The following ARPC5 variants were observed in gnomAD, a reference collection of about 807,000 sequenced individuals.
ARPC5 encodes actin-related protein 2/3 complex subunit 5.
Under a neutral mutation model 15.4 loss-of-function variants are expected in ARPC5, and 5 were observed. That is an observed-to-expected ratio of 0.32 (90% CI 0.17 to 0.68). The LOEUF (loss-of-function observed/expected upper bound fraction) is 0.68. Among genes scored for constraint, ARPC5 ranks in the 30% least tolerant of loss-of-function variants. ARPC5 has a pLI of 0.71. For synonymous variants in ARPC5, 85 were observed against 72.2 expected (o/e 1.18, Z -0.90); for missense variants, 138 against 192.8 (o/e 0.72, Z 1.68).
chr1:183,622,304 G>A lies in ARPC5; in HGVS notation c.*5228C>T, dbSNP rs78917379. ...ATTGAACAATATGAACAAATTATTTGAAAACGAATAAAAACTAAAATGAAT... is the reference window on the plus strand; with the variant it reads ...ATTGAACAATATGAACAAATTATTTAAAAACGAATAAAAACTAAAATGAAT... On this transcript the variant is annotated 3_prime_UTR_variant, in exon 4 of 4. Coordinates refer to ENST00000359856, the MANE Select transcript of ARPC5 (RefSeq NM_005717.4). The A allele has an allele frequency of 6.6e-6, 1 of 152,238 alleles. No individual in the cohort carries two copies. The highest frequency in any genetic ancestry group is 2.1e-4 in the South Asian group (1 of 4,830). 9.4% of individuals were successfully genotyped at this position (152,238 alleles called of 1,614,324 possible). A position where few individuals can be genotyped will look rare whatever the true frequency, so the allele number is the denominator to read the frequency against.
At chr1:183,632,464 A>G (rs552660312) in intron 2 of ARPC5, 1 of 152,348 alleles carries the variant, frequency 6.6e-6, no homozygotes, top group Non-Finnish European at 1.5e-5. Flanking sequence ...TATATAACAA[A>G]AGATTAGTTA....
At position 183,627,524 on chromosome 1, in the gene ARPC5, C is replaced by T. The variant is rs1404488582; in HGVS notation, c.*8G>A. 3.1e-6 allele frequency: 5 copies of T among 1,613,474 alleles called. No homozygotes were observed. Among genetic ancestry groups the T allele is most frequent in the Non-Finnish European group, 4.2e-6 (5 of 1,179,448 alleles). On this transcript the variant is annotated 3_prime_UTR_variant, in exon 4 of 4. Coordinates refer to ENST00000359856, the MANE Select transcript of ARPC5 (RefSeq NM_005717.4). Reference sequence around the variant, plus strand: ...ACTCCCGAGGCAGATAATCCACTTCCTGCCAGACTACACAGTTTTTCTTGC... The same window carrying T: ...ACTCCCGAGGCAGATAATCCACTTCTTGCCAGACTACACAGTTTTTCTTGC...
At position 183,624,782 on chromosome 1, in the gene ARPC5, T is replaced by C. The variant is rs542533754; in HGVS notation, c.*2750A>G. Reference sequence around the variant, plus strand: ...TTGTATGACGTTAATTCTCTTTTTTTTTGTATGACATAATTTTCAGGTGCT... The same window carrying C: ...TTGTATGACGTTAATTCTCTTTTTTCTTGTATGACATAATTTTCAGGTGCT... On this transcript the variant is annotated 3_prime_UTR_variant, in exon 4 of 4. Coordinates refer to ENST00000359856, the MANE Select transcript of ARPC5 (RefSeq NM_005717.4). The C allele has an allele frequency of 3.0e-4, 46 of 152,338 alleles. No individual in the cohort carries two copies. Among genetic ancestry groups the C allele is most frequent in the African/African-American group, 1.1e-3 (44 of 41,580 alleles). 9.4% of individuals were successfully genotyped at this position (152,338 alleles called of 1,614,324 possible). A position where few individuals can be genotyped will look rare whatever the true frequency, so the allele number is the denominator to read the frequency against.
intron 1 of ARPC5, chr1:183,633,750 T>C (rs906723125): frequency 6.7e-6 from 1 of 149,366 alleles, no homozygotes; most frequent in Admixed American, 6.6e-5. Flanking sequence ...CTTTAGATAT[T>C]TTCTCTCATA....
intron 3 of ARPC5, 95 bp from the exon 4 acceptor site, chr1:183,627,689 G>T: frequency 2.2e-6 from 2 of 918,746 alleles, no homozygotes; most frequent in Non-Finnish European, 3.6e-6. Context: ...AATGGGCACT[G>T]CTATAGACCC....
rs558743593 is a variant in ARPC5 at position 183,624,688 on chromosome 1, T to A, written c.*2844A>T. On this transcript the variant is annotated 3_prime_UTR_variant, in exon 4 of 4. Transcript: ENST00000359856. The stretch of plus-strand genomic sequence containing the variant: ...GTTCAAATTAATGTCTCACTTTAAA[T>A]ACTCTGATCCACCCTGATTTTGTTG... 1 of 152,290 alleles carries A rather than the reference T, an allele frequency of 6.6e-6. No homozygotes were observed. The allele number at this position is 152,290 out of a possible 1,614,324, so 9.4% of individuals were successfully genotyped here.
chr1:183,626,699 A>T lies in ARPC5; in HGVS notation c.*833T>A, dbSNP rs1314599689. On this transcript the variant is annotated 3_prime_UTR_variant, in exon 4 of 4. Transcript: ENST00000359856. ...ATATTTCTAAAGAAAGTAGCATTTC[A>T]TTCAGAGGCTGCCCAGAGTTTAAAT... 6.5e-6 allele frequency: 1 copy of T among 152,796 alleles called. No individual in the cohort carries two copies. Among genetic ancestry groups the T allele is most frequent in the Middle Eastern group, 3.4e-3 (1 of 294 alleles). 9.5% of individuals were successfully genotyped at this position (152,796 alleles called of 1,614,324 possible).
intron 1 of ARPC5, 138 bp from the exon 2 acceptor site, chr1:183,633,292 G>A: frequency 7.1e-6 from 4 of 567,148 alleles, no homozygotes; most frequent in African/African-American, 2.0e-5. Context: ...TCAATGTGTT[G>A]GTTTCCAGGA....
chr1:183,633,425 C>T, intron 1 of ARPC5: 1 of 235,722 alleles, frequency 4.2e-6, no homozygotes, highest in Non-Finnish European at 8.2e-6. Flanking sequence ...TTTCATTTCC[C>T]AGTGAGATAC....
intron 2 of ARPC5, chr1:183,632,807 T>C (rs190360733): frequency 2.6e-5 from 7 of 268,598 alleles, no homozygotes; most frequent in African/African-American, 1.6e-4. Flanking sequence ...TTTTCAAACC[T>C]TTGCTCAAAT....
At chr1:183,632,932 G>C in intron 2 of ARPC5, 150 bp downstream of exon 2, 1 of 585,778 alleles carries the variant, frequency 1.7e-6, no homozygotes, top group Admixed American at 3.7e-5. Flanking sequence ...ATTTTTTCAC[G>C]TGAAATTTTT....
chr1:183,622,813 T>C lies in ARPC5; in HGVS notation c.*4719A>G, dbSNP rs113502523. On this transcript the variant is annotated 3_prime_UTR_variant, in exon 4 of 4. Coordinates refer to ENST00000359856, the MANE Select transcript of ARPC5 (RefSeq NM_005717.4). ...TAAATTCCCTTCTTAACTGTCCACATTGAAGTGAATTGAAATTCTTTGTGA... is the reference window on the plus strand; with the variant it reads ...TAAATTCCCTTCTTAACTGTCCACACTGAAGTGAATTGAAATTCTTTGTGA... 986 of 152,754 alleles carry C rather than the reference T, an allele frequency of 6.5e-3. 9 individuals are homozygous for C. Among genetic ancestry groups the C allele is most frequent in the East Asian group, 0.015 (78 of 5,198 alleles). The allele number at this position is 152,754 out of a possible 1,614,324, so 9.5% of individuals were successfully genotyped here.
chr1:183,623,539 G>C lies in ARPC5; in HGVS notation c.*3993C>G, dbSNP rs1007174324. On this transcript the variant is annotated 3_prime_UTR_variant, in exon 4 of 4. Coordinates refer to ENST00000359856, the MANE Select transcript of ARPC5 (RefSeq NM_005717.4). The stretch of plus-strand genomic sequence containing the variant: ...TAGTGACATTGGGGTGAGGGGGAGA[G>C]GGAGTGGGGCAGAGGTCCCGCGGCA... 15 of 1,549,202 alleles carry C rather than the reference G, an allele frequency of 9.7e-6. No homozygotes were observed. In the African/African-American group the frequency reaches 1.8e-4, roughly 18 times the overall value.
rs568185762 is a variant in ARPC5, at chr1:183,634,933, A to G, written c.143+584T>C. ...CTTCTTCTTTTTTTTTTTTTTTTAA[A>G]AAGGCCAATGGGCTGAAAGCACAGG... On this transcript the variant is annotated intron_variant, in intron 1 of 3. Transcript: ENST00000359856. Among the ~76,000 whole-genome samples the G allele has an allele frequency of 1.8e-4, 27 of 150,172 alleles. No individual in the cohort carries two copies. The South Asian group carries it at 5.7e-3, about 31-fold the overall frequency.
Position 183,627,278 on chromosome 1 carries a change from G to A in ARPC5, c.*254C>T. On this transcript the variant is annotated 3_prime_UTR_variant, in exon 4 of 4. Transcript: ENST00000359856. ...TTGAATGTAAATTATACTATATACA[G>A]ATTGGTATAAACATCACTGAAATGG... The A allele has an allele frequency of 2.0e-6, 1 of 494,018 alleles. No homozygotes were observed. The highest frequency in any genetic ancestry group is 1.9e-5 in the African/African-American group (1 of 51,382). 30.6% of individuals were successfully genotyped at this position (494,018 alleles called of 1,614,324 possible).
chr1:183,630,437 A>G, intron 3 of ARPC5, 24 bp downstream of exon 3: 1 of 1,556,300 alleles, frequency 6.4e-7, no homozygotes, highest in Non-Finnish European at 8.7e-7. Flanking sequence ...AACCAGTCAT[A>G]TAGATTTATA....
At position 183,623,482 on chromosome 1, in the gene ARPC5, C is replaced by CGTTTTCACATTGGG. The variant is rs1451560217; in HGVS notation, c.*4036_*4049dup. On this transcript the variant is annotated 3_prime_UTR_variant, in exon 4 of 4. Coordinates refer to ENST00000359856, the MANE Select transcript of ARPC5 (RefSeq NM_005717.4). ...TCATACAAGAGGCACCTGCACAGAA[C>CGTTTTCACATTGGG]GTTTTCACATTGGGGTTTTCACATA... The CGTTTTCACATTGGG allele has an allele frequency of 1.9e-6, 3 of 1,550,068 alleles. No homozygotes were observed. The African/African-American group carries it at 4.1e-5, about 21-fold the overall frequency.
In ARPC5 at chr1:183,635,517, T is replaced by C; in HGVS notation, c.143A>G (p.Gln48Arg). 6.2e-7 allele frequency: 1 copy of C among 1,610,464 alleles called. No homozygotes were observed. Among genetic ancestry groups the C allele is most frequent in the Non-Finnish European group, 8.5e-7 (1 of 1,178,738 alleles). ...GGGAGGGCGGTGAATGCAAGGATAT[T>C]GCCGCAGGCAGGAGTCCACCTCGCC... The part of the protein sequence containing the change: ...DEGEVDSCLR[Q>R]GNMTAALQAA... Residue 48 changes from glutamine (Q) to arginine (R), a missense_variant and splice_region_variant, in exon 1 of 4, where the codon CAA (glutamine) becomes CGA (arginine). Gln to Arg is a conservative substitution (Grantham distance 43). This residue lies in a region of ARPC5 where 121 missense variants were observed against 153.7 expected (regional missense o/e 0.79). Coordinates refer to ENST00000359856, the MANE Select transcript of ARPC5 (RefSeq NM_005717.4).
chr1:183,625,837 G>C lies in ARPC5; in HGVS notation c.*1695C>G, dbSNP rs1327885335. The C allele has an allele frequency of 6.6e-6, 1 of 152,216 alleles. No individual in the cohort carries two copies. Among genetic ancestry groups the C allele is most frequent in the African/African-American group, 2.4e-5 (1 of 41,434 alleles). The allele number at this position is 152,216 out of a possible 1,614,324, so 9.4% of individuals were successfully genotyped here. On this transcript the variant is annotated 3_prime_UTR_variant, in exon 4 of 4. Transcript: ENST00000359856. ...TGAAGATCGAAAGCAAACAGAAGTCGCTGTGAGTAGGTAAGTACAAGAAAT... is the reference window on the plus strand; with the variant it reads ...TGAAGATCGAAAGCAAACAGAAGTCCCTGTGAGTAGGTAAGTACAAGAAAT...
Sources: gnomAD v4.1 joint callset for allele counts (sites outside exome capture counted in the v4.1 genomes callset) on GRCh38, gnomAD v4.1.1 for gene constraint, gnomAD v4.1.1 regional missense constraint, MANE v1.5 for transcripts, NCBI Gene and HGNC (gene_info 2026-07-23, HGNC 2026-07-21) for gene names.